The following ALPL variants were observed in gnomAD, a reference collection of about 807,000 sequenced individuals.
ALPL encodes alkaline phosphatase, biomineralization associated.
ALPL carries 42 observed loss-of-function variants against 51.3 expected under a neutral mutation model. That is an observed-to-expected ratio of 0.82 (90% CI 0.64 to 1.06). ALPL has a LOEUF of 1.06. Ranked by LOEUF, ALPL falls within the 50% of genes least tolerant of loss-of-function variation. ALPL has a pLI of 0.00. For missense variants in ALPL, 589 were observed against 709.4 expected (o/e 0.83, Z 1.93); for synonymous variants, 279 against 296.4 (o/e 0.94, Z 0.60).
chr1:21,564,575 G>A lies in ALPL; in HGVS notation c.648+359G>A, dbSNP rs1644536997. On this transcript the variant is annotated intron_variant, in intron 6 of 11. Coordinates refer to ENST00000374840, the MANE Select transcript of ALPL (RefSeq NM_000478.6). This position sits in a 1 kb window ranked among gnomAD's most constrained non-coding sequence, Gnocchi z 5.8. ...CCTGCGTATTCACATGGTCACAGAT[G>A]GGTACATATCTGTACACTCAACCAC... Among the ~76,000 whole-genome samples the A allele has an allele frequency of 6.6e-6, 1 of 152,210 alleles. No individual in the cohort carries two copies. Among genetic ancestry groups the A allele is most frequent in the Non-Finnish European group, 1.5e-5 (1 of 68,042 alleles).
At chr1:21,542,234 C>A (rs562392698) in intron 1 of ALPL, among the ~76,000 whole-genome samples, 12 of 152,294 alleles carry the variant, frequency 7.9e-5, no homozygotes, top group African/African-American at 2.6e-4. Context: ...GCAGGTGCCC[C>A]CCAGCCCCTG....
rs1294567959 is a variant in ALPL, at chr1:21,553,900, A to G, written c.-104-78A>G. 31 of 651,336 alleles carry G rather than the reference A, an allele frequency of 4.8e-5. 1 individual carries two copies. The East Asian group carries it at 8.7e-4, about 18-fold the overall frequency. The allele number at this position is 651,336 out of a possible 1,614,324, so 40.3% of individuals were successfully genotyped here. ...CACCGAATACTTGTTGAATGAATCA[A>G]GGAATGAATAAGTGAGTGAAAAAGG... On this transcript the variant is annotated intron_variant, in intron 1 of 11. Coordinates refer to ENST00000374840, the MANE Select transcript of ALPL (RefSeq NM_000478.6).
At position 21,559,539 on chromosome 1, in the gene ALPL, A is replaced by G. The variant is rs1471165773; in HGVS notation, c.62-1087A>G. ...GGGGTTTTTTGTTTGTTTGTTTTTGAGACGGAGTCTAGCTCTGTCACCCAG... is the reference window on the plus strand; with the variant it reads ...GGGGTTTTTTGTTTGTTTGTTTTTGGGACGGAGTCTAGCTCTGTCACCCAG... On this transcript the variant is annotated intron_variant, in intron 2 of 11. Transcript: ENST00000374840. 2.6e-5 allele frequency among the ~76,000 whole-genome samples: 4 copies of G among 152,184 alleles called. No individual in the cohort carries two copies. In the East Asian group the frequency reaches 7.7e-4, roughly 29 times the overall value.
At chr1:21,547,049 G>C (rs1029858709) in intron 1 of ALPL, among the ~76,000 whole-genome samples, 2 of 152,340 alleles carry the variant, frequency 1.3e-5, no homozygotes, top group Non-Finnish European at 1.5e-5. Context: ...GTCCACACTG[G>C]CTGGTCAGTT....
intron 9 of ALPL, chr1:21,574,190 C>A (rs548073058): frequency 3.0e-6 from 3 of 985,334 alleles, no homozygotes; most frequent in Non-Finnish European, 3.6e-6. Flanking sequence ...CTTTCAGCGC[C>A]GGCCAGGGGC....
intron 1 of ALPL, among the ~76,000 whole-genome samples, chr1:21,551,725 T>TG (rs59242358): frequency 2.4e-4 from 28 of 116,664 alleles, no homozygotes; most frequent in African/African-American, 9.6e-4. Context: ...CGTGGTTTTT[T>TG]TTTTTTTTTT....
At chr1:21,556,704 C>T (rs1378701312) in intron 2 of ALPL, among the ~76,000 whole-genome samples, 3 of 151,860 alleles carry the variant, frequency 2.0e-5, no homozygotes, top group South Asian at 2.1e-4. Flanking sequence ...TTTGGGAGGC[C>T]GAGGTAGGTG....
intron 8 of ALPL, among the ~76,000 whole-genome samples, chr1:21,571,704 C>T (rs1338815485): frequency 6.8e-6 from 1 of 148,064 alleles, no homozygotes; most frequent in Non-Finnish European, 1.5e-5. Context: ...CACGAAAAAA[C>T]TTAGGCCAGG....
Position 21,554,162 on chromosome 1 carries a change from T to A in ALPL, c.61+20T>A, listed in dbSNP as rs762451421. ...TGCCAGGTATGCTTGGGGACACAGG[T>A]GGAGGCATAAAAAGGTGGTGCAGAT... On this transcript the variant is annotated intron_variant, in intron 2 of 11. Coordinates refer to ENST00000374840, the MANE Select transcript of ALPL (RefSeq NM_000478.6). The A allele has an allele frequency of 2.5e-6, 4 of 1,612,870 alleles. No homozygotes were observed. Among genetic ancestry groups the A allele is most frequent in the Non-Finnish European group, 2.5e-6 (3 of 1,179,298 alleles).
At chr1:21,510,588 A>C (rs1275753766) in intron 1 of ALPL, among the ~76,000 whole-genome samples, 1 of 152,184 alleles carries the variant, frequency 6.6e-6, no homozygotes, top group Non-Finnish European at 1.5e-5. Flanking sequence ...AAATGGGGAA[A>C]CTGAGGCTTA....
intron 1 of ALPL, among the ~76,000 whole-genome samples, chr1:21,530,723 T>A (rs957424007): frequency 1.3e-5 from 2 of 151,694 alleles, no homozygotes; most frequent in Non-Finnish European, 2.9e-5. Context: ...CTGTAGTGAC[T>A]GTCGGTCCCC....
intron 1 of ALPL, among the ~76,000 whole-genome samples, chr1:21,537,739 A>T (rs981166896): frequency 6.6e-6 from 1 of 152,166 alleles, no homozygotes; most frequent in Non-Finnish European, 1.5e-5. Flanking sequence ...AGCTGGACGG[A>T]CCTGGCCTGA....
At chr1:21,533,446 C>T (rs1022043058) in intron 1 of ALPL, among the ~76,000 whole-genome samples, 6 of 152,160 alleles carry the variant, frequency 3.9e-5, no homozygotes, top group African/African-American at 7.2e-5. Context: ...TAACTTTTAA[C>T]GGATGCTCTC....
At chr1:21,568,301 CTG>C (rs897107586) in intron 7 of ALPL, 54 bp downstream of exon 7, 41 of 1,611,058 alleles carry the variant, frequency 2.5e-5, no homozygotes, top group Non-Finnish European at 3.5e-5. Flanking sequence ...TGGGGAGAGG[CTG>C]TGTGACCCCT....
intron 1 of ALPL, among the ~76,000 whole-genome samples, chr1:21,536,159 G>C (rs370161841): frequency 9.9e-5 from 15 of 152,198 alleles, no homozygotes; most frequent in East Asian, 5.8e-4. Flanking sequence ...TCTGAGTCCT[G>C]CAGGGCTATT....
intron 1 of ALPL, among the ~76,000 whole-genome samples, chr1:21,515,496 C>T (rs956416488): frequency 2.6e-5 from 4 of 152,142 alleles, no homozygotes; most frequent in Non-Finnish European, 5.9e-5. Context: ...TCCAGAGATT[C>T]TCCTGCCTCA....
intron 1 of ALPL, among the ~76,000 whole-genome samples, chr1:21,517,804 A>G (rs4654956): frequency 0.33 from 50,726 of 151,934 alleles, 9,024 homozygotes; most frequent in East Asian, 0.47. Context: ...AATAGCCAGC[A>G]TGTCTCCTTC....
Position 21,575,944 on chromosome 1 carries a change from G to T in ALPL, c.1189+20G>T. On this transcript the variant is annotated intron_variant, in intron 10 of 11. Coordinates refer to ENST00000374840, the MANE Select transcript of ALPL (RefSeq NM_000478.6). Reference sequence around the variant, plus strand: ...TCTTTGGTAGGTGGGCCTTCTTTGGGGTGGACACTCCTGGGGTCTCCTGTC... The same window carrying T: ...TCTTTGGTAGGTGGGCCTTCTTTGGTGTGGACACTCCTGGGGTCTCCTGTC... 2 of 1,614,046 alleles carry T rather than the reference G, an allele frequency of 1.2e-6. No individual in the cohort carries two copies. Among genetic ancestry groups the T allele is most frequent in the Non-Finnish European group, 1.7e-6 (2 of 1,179,918 alleles).
At chr1:21,536,891 CTTTTTT>C (rs10534586) in intron 1 of ALPL, among the ~76,000 whole-genome samples, 2 of 79,360 alleles carry the variant, frequency 2.5e-5, no homozygotes, top group African/African-American at 5.3e-5. Context: ...GGTTCCTTCC[CTTTTTT>C]TTTTTTTTTT....
Sources: gnomAD v4.1 joint callset for allele counts (sites outside exome capture counted in the v4.1 genomes callset) on GRCh38, gnomAD v4.1.1 for gene constraint, Gnocchi (gnomAD v3.1) non-coding constraint, MANE v1.5 for transcripts, NCBI Gene and HGNC (gene_info 2026-07-23, HGNC 2026-07-21) for gene names.